Variants in AHCY observed in about 807,000 individuals in gnomAD.
AHCY encodes S-adenosyl-L-homocysteine hydrolase.
In AHCY, 24 loss-of-function variants were observed where a neutral mutation model predicts 45.4. The observed-to-expected ratio is 0.53, with a 90% CI of 0.38 to 0.74. The LOEUF is 0.74. Among genes scored for constraint, AHCY ranks in the 30% least tolerant of loss-of-function variants. The probability of loss-of-function intolerance (pLI) is 0.00; values close to 1 mark genes in which losing one functional copy is unlikely to be tolerated. For synonymous variants in AHCY, 245 were observed against 235.1 expected, an observed-to-expected ratio of 1.04 and a Z score of -0.39; for missense variants, 449 against 594.1, an observed-to-expected ratio of 0.76 and a Z score of 2.54.
the AHCY span, among the ~76,000 whole-genome samples, chr20:34,257,081 T>TTG: frequency 1.4e-5 from 2 of 147,372 alleles, no homozygotes; most frequent in East Asian, 3.9e-4. Context: ...TTTTTTTTTT[T>TTG]TGTTTTTTGT....
intron 3 of AHCY, chr20:34,293,606 C>G (rs1023606905): frequency 3.3e-6 from 1 of 303,046 alleles, no homozygotes; most frequent in Non-Finnish European, 6.4e-6. Context: ...TCTTGAATGT[C>G]CTAATCACTG....
downstream of AHCY, among the ~76,000 whole-genome samples, chr20:34,278,530 A>C (rs2035930992): frequency 6.6e-6 from 1 of 152,164 alleles, no homozygotes; most frequent in African/African-American, 2.4e-5. Context: ...AGAAGAACTG[A>C]GGCAGGGCTC....
chr20:34,299,539 T>C (rs534139178), intron 1 of AHCY, among the ~76,000 whole-genome samples: 41 of 152,298 alleles, frequency 2.7e-4, no homozygotes, highest in African/African-American at 9.6e-4. Flanking sequence ...TCTTATGGCT[T>C]TACATACCTT....
At chr20:34,233,229 G>A in the AHCY span, among the ~76,000 whole-genome samples, 2 of 142,444 alleles carry the variant, frequency 1.4e-5, no homozygotes, top group South Asian at 4.4e-4. Context: ...CTCACTGAAA[G>A]CTCTGCCTCC....
At chr20:34,235,825 GA>G in the AHCY span, among the ~76,000 whole-genome samples, 27 of 62,146 alleles carry the variant, frequency 4.3e-4, no homozygotes, top group African/African-American at 3.5e-3. Flanking sequence ...AAGAAAGAAA[GA>G]AAGAAAGAAA....
the AHCY span, chr20:34,246,223 TTTTTG>T: frequency 6.6e-7 from 1 of 1,504,032 alleles, no homozygotes; most frequent in Non-Finnish European, 9.0e-7. Context: ...TGGTCTTCTT[TTTTTG>T]TTTTATTTGG....
the AHCY span, among the ~76,000 whole-genome samples, chr20:34,235,786 G>GAAAGA: frequency 3.3e-5 from 2 of 61,392 alleles, no homozygotes; most frequent in South Asian, 1.3e-3. Flanking sequence ...CTCTGAGAAA[G>GAAAGA]AAGAAAGAAA....
the AHCY span, among the ~76,000 whole-genome samples, chr20:34,255,501 A>T: frequency 6.6e-6 from 1 of 152,170 alleles, no homozygotes; most frequent in Non-Finnish European, 1.5e-5. Flanking sequence ...GACCGAGGGC[A>T]CAAGCTGCTC....
chr20:34,281,191 G>C (rs757661880), intron 9 of AHCY, 26 bp from the exon 10 acceptor site: 4 of 1,611,598 alleles, frequency 2.5e-6, no homozygotes, highest in Non-Finnish European at 3.4e-6. Flanking sequence ...GGAAGACCGG[G>C]AATCAGTGCC....
chr20:34,257,165 C>T, the AHCY span, among the ~76,000 whole-genome samples: 132 of 151,594 alleles, frequency 8.7e-4, 1 homozygote, highest in South Asian at 7.7e-3. Context: ...CTCACTGCAA[C>T]TTCCTCCCCC....
At position 34,291,427 on chromosome 20, in the gene AHCY, C is replaced by T. The variant is rs750633041; in HGVS notation, c.550G>A (p.Val184Ile). The change falls in exon 5 of 10, where the codon GTC (valine) becomes ATC (isoleucine). Residue 184 changes from valine to isoleucine, a missense_variant. Physicochemically the swap from Val to Ile is conservative, Grantham distance 29. Transcript: ENST00000217426. ...ACTGCCCCTCGGCTCACCTTGGTGA[C>T]GGAGTCATTGACATTGATGGCAGGC... is the stretch of plus-strand genomic sequence containing the variant. ...KVPAINVNDS[V>I]TKSKFDNLYG... 8.7e-6 allele frequency: 14 copies of T among 1,613,800 alleles called. No homozygotes were observed. The highest frequency in any genetic ancestry group is 2.2e-5 in the South Asian group (2 of 91,068).
At chr20:34,239,439 A>G in the AHCY span, among the ~76,000 whole-genome samples, 1 of 151,808 alleles carries the variant, frequency 6.6e-6, no homozygotes, top group South Asian at 2.1e-4. Flanking sequence ...CTCTTCTCGA[A>G]CTCCTGACCT....
At chr20:34,256,560 C>T in the AHCY span, among the ~76,000 whole-genome samples, 1 of 152,178 alleles carries the variant, frequency 6.6e-6, no homozygotes, top group Admixed American at 6.6e-5. Context: ...CCTGTGGCTT[C>T]CTCCAGTGCT....
At chr20:34,256,211 G>C in the AHCY span, among the ~76,000 whole-genome samples, 3 of 152,218 alleles carry the variant, frequency 2.0e-5, no homozygotes, top group African/African-American at 7.2e-5. Flanking sequence ...CGTGACTTGT[G>C]TAACCTTATC....
the AHCY span, among the ~76,000 whole-genome samples, chr20:34,255,562 A>G: frequency 2.0e-5 from 3 of 152,332 alleles, no homozygotes; most frequent in Admixed American, 6.5e-5. Context: ...CTAGAAATAG[A>G]TTATAGATGT....
chr20:34,273,506 C>A, the AHCY span, among the ~76,000 whole-genome samples: 13 of 152,162 alleles, frequency 8.5e-5, no homozygotes, highest in Non-Finnish European at 1.5e-5. Flanking sequence ...GCTGGGATAA[C>A]AGGCGTGAGC....
the AHCY span, among the ~76,000 whole-genome samples, chr20:34,264,383 G>T: frequency 6.6e-6 from 1 of 152,188 alleles, no homozygotes; most frequent in Non-Finnish European, 1.5e-5. Context: ...TGCACAAGGA[G>T]TCTCACCAGG....
At chr20:34,269,309 T>A in the AHCY span, 1 of 1,107,344 alleles carries the variant, frequency 9.0e-7, no homozygotes, top group Non-Finnish European at 1.2e-6. Flanking sequence ...AGACCTGGCT[T>A]GGGCTAAAAT....
At chr20:34,311,753 C>T (rs533263383) in exon 1 of AHCY, 1 of 152,690 alleles carries the variant, frequency 6.5e-6, no homozygotes, top group South Asian at 2.1e-4. Context: ...TTCTTGTCCA[C>T]CCCGCTAGGG....
Sources: gnomAD v4.1 joint callset for allele counts (sites outside exome capture counted in the v4.1 genomes callset) on GRCh38, gnomAD v4.1.1 for gene constraint, MANE v1.5 for transcripts, NCBI Gene and HGNC (gene_info 2026-07-23, HGNC 2026-07-21) for gene names.